Variants in FHIT observed in about 807,000 individuals in gnomAD.
The protein encoded by FHIT is bis(5'-adenosyl)-triphosphatase.
Under a neutral mutation model 17.9 loss-of-function variants are expected in FHIT, and 19 were observed. The observed-to-expected ratio is 1.06, with a 90% CI of 0.74 to 1.56. FHIT has a LOEUF of 1.56. Ranked by LOEUF, FHIT falls within the 40% of genes most tolerant of loss-of-function variation. The probability of loss-of-function intolerance (pLI) is 0.00; values close to 1 mark genes in which losing one functional copy is unlikely to be tolerated. For missense variants in FHIT, 248 were observed against 189.2 expected (o/e 1.31, Z -1.82); for synonymous variants, 81 against 69.7 (o/e 1.16, Z -0.81).
At chr3:60,755,078 C>T (rs1358826800) in intron 4 of FHIT, among the ~76,000 whole-genome samples, 2 of 152,198 alleles carry the variant, frequency 1.3e-5, no homozygotes, top group Non-Finnish European at 2.9e-5. Flanking sequence ...TCTGGCATGA[C>T]CTCCTCTCAG....
chr3:60,928,516 T>C (rs148724622), intron 3 of FHIT, among the ~76,000 whole-genome samples: 1,921 of 150,254 alleles, frequency 0.013, 37 homozygotes, highest in African/African-American at 0.044. Flanking sequence ...GCTACTGCAC[T>C]CCAGCCTAGG....
chr3:60,213,077 T>C (rs1295051602), intron 5 of FHIT, among the ~76,000 whole-genome samples: 1 of 152,180 alleles, frequency 6.6e-6, no homozygotes. Context: ...TTTATTGCGT[T>C]GATTATTCAA....
intron 3 of FHIT, among the ~76,000 whole-genome samples, chr3:60,992,327 T>C (rs758457145): frequency 6.6e-6 from 1 of 152,336 alleles, no homozygotes; most frequent in Middle Eastern, 3.4e-3. Context: ...TATACATATG[T>C]AAAAATATCA....
intron 3 of FHIT, among the ~76,000 whole-genome samples, chr3:61,012,407 T>A (rs1021742323): frequency 4.6e-5 from 7 of 152,010 alleles, no homozygotes; most frequent in South Asian, 2.1e-4. Context: ...TAAAAAAAAA[T>A]TTGATGAGAA....
At chr3:60,466,966 G>C (rs896815080) in intron 5 of FHIT, among the ~76,000 whole-genome samples, 2 of 151,512 alleles carry the variant, frequency 1.3e-5, no homozygotes, top group African/African-American at 4.8e-5. Context: ...GGTTCTTTAC[G>C]CATTTGCTAA....
intron 7 of FHIT, among the ~76,000 whole-genome samples, chr3:59,977,638 G>A (rs1350094379): frequency 6.6e-6 from 1 of 152,138 alleles, no homozygotes; most frequent in Non-Finnish European, 1.5e-5. Context: ...TGCAGTCATT[G>A]TTTCGTCTAA....
chr3:60,946,740 A>G (rs1431383719), intron 3 of FHIT, among the ~76,000 whole-genome samples: 1 of 152,044 alleles, frequency 6.6e-6, no homozygotes, highest in East Asian at 1.9e-4. Context: ...GAAGACACCA[A>G]CTCCACTGTC....
chr3:60,484,652 C>G (rs866518620), intron 5 of FHIT, among the ~76,000 whole-genome samples: 10 of 152,154 alleles, frequency 6.6e-5, no homozygotes, highest in Middle Eastern at 3.4e-3. Context: ...TTCCTTACAC[C>G]TTATACAAAA....
At chr3:61,071,288 A>G (rs2034797590) in intron 2 of FHIT, among the ~76,000 whole-genome samples, 1 of 152,216 alleles carries the variant, frequency 6.6e-6, no homozygotes, top group African/African-American at 2.4e-5. Context: ...ACTCTCACAC[A>G]TTGTTGTTGG....
chr3:60,329,208 CT>C lies in FHIT; in HGVS notation c.103+207651del, dbSNP rs528792885. ...ACCTATTTATACAAGAGATTTTCTA[CT>C]TTTTTTTTTCTAATTTAGCTAACCA... is the stretch of plus-strand genomic sequence containing the variant. On this transcript the variant is annotated intron_variant, in intron 5 of 9. Coordinates refer to ENST00000492590, the MANE Select transcript of FHIT (RefSeq NM_002012.4). Among the ~76,000 whole-genome samples, 33 of 150,174 alleles carry C rather than the reference CT, an allele frequency of 2.2e-4. No homozygotes were observed. The Middle Eastern group carries it at 0.01, about 47-fold the overall frequency.
intron 5 of FHIT, among the ~76,000 whole-genome samples, chr3:60,364,010 A>C (rs35447167): frequency 6.6e-6 from 1 of 151,450 alleles, no homozygotes; most frequent in Admixed American, 6.6e-5. Flanking sequence ...GCCGTTACTC[A>C]TCCCAGTAAC....
intron 7 of FHIT, among the ~76,000 whole-genome samples, chr3:59,948,610 G>T (rs1274013631): frequency 6.6e-6 from 1 of 152,034 alleles, no homozygotes; most frequent in Non-Finnish European, 1.5e-5. Context: ...CCATCAGAGA[G>T]ATTTGGTTTC....
chr3:60,647,248 T>G (rs1553687010), intron 4 of FHIT, among the ~76,000 whole-genome samples: 1 of 152,170 alleles, frequency 6.6e-6, no homozygotes, highest in African/African-American at 2.4e-5. Flanking sequence ...CTGAGCACTT[T>G]CAAATACTCT....
At chr3:61,123,500 T>C (rs1469611307) in intron 2 of FHIT, among the ~76,000 whole-genome samples, 1 of 149,064 alleles carries the variant, frequency 6.7e-6, no homozygotes, top group African/African-American at 2.5e-5. Context: ...TAAAGTATAA[T>C]AAAAAAAAAG....
At chr3:60,129,444 T>C (rs916882836) in intron 5 of FHIT, among the ~76,000 whole-genome samples, 2 of 152,216 alleles carry the variant, frequency 1.3e-5, no homozygotes, top group Non-Finnish European at 2.9e-5. Flanking sequence ...TACATGTAAA[T>C]ATATGTATGA....
chr3:60,337,466 A>G (rs948298988), intron 5 of FHIT, among the ~76,000 whole-genome samples: 7 of 152,210 alleles, frequency 4.6e-5, no homozygotes, highest in African/African-American at 1.4e-4. Flanking sequence ...AATTAAAGGG[A>G]TGCTTAATGA....
chr3:60,780,655 A>G (rs1253247550), intron 4 of FHIT, among the ~76,000 whole-genome samples: 1 of 152,166 alleles, frequency 6.6e-6, no homozygotes, highest in African/African-American at 2.4e-5. Context: ...CGTTTCCCCA[A>G]AACAGCGCCC....
intron 5 of FHIT, among the ~76,000 whole-genome samples, chr3:60,342,499 T>C (rs1331907739): frequency 6.6e-6 from 1 of 152,244 alleles, no homozygotes; most frequent in Non-Finnish European, 1.5e-5. Context: ...ATACAGTTTG[T>C]GTCTTTAAAT....
At chr3:61,138,841 A>G (rs1239847601) in intron 2 of FHIT, among the ~76,000 whole-genome samples, 1 of 152,180 alleles carries the variant, frequency 6.6e-6, no homozygotes, top group African/African-American at 2.4e-5. Context: ...CAATAACCAA[A>G]GGAGGAAAGG....
Sources: gnomAD v4.1 joint callset for allele counts (sites outside exome capture counted in the v4.1 genomes callset) on GRCh38, gnomAD v4.1.1 for gene constraint, MANE v1.5 for transcripts, NCBI Gene and HGNC (gene_info 2026-07-23, HGNC 2026-07-21) for gene names.